Variants in UNC45B observed in about 807,000 individuals in gnomAD.
UNC45B encodes the protein protein unc-45 homolog B.
In UNC45B, 78 loss-of-function variants were observed where a neutral mutation model predicts 98.7. The ratio of observed to expected loss-of-function variants is 0.79; its 90% CI spans 0.66 to 0.95. The LOEUF (loss-of-function observed/expected upper bound fraction) is 0.95, where lower values mean the gene tolerates loss of function less well. UNC45B is among the 40% of genes least tolerant of loss of function. The pLI, the probability that UNC45B is intolerant of heterozygous loss-of-function variation, is 0.00. For missense variants in UNC45B, 1,225 were observed against 1,184.9 expected (o/e 1.03, Z -0.50); for synonymous variants, 462 against 480.4 (o/e 0.96, Z 0.50).
chr17:35,150,249 C>A (rs1339865476), intron 4 of UNC45B, 26 bp downstream of exon 4: 2 of 1,589,726 alleles, frequency 1.3e-6, no homozygotes, highest in South Asian at 2.3e-5. Flanking sequence ...TCCCACAACC[C>A]TTGGCTGCCC....
rs2092304691 is a variant in UNC45B, at chr17:35,186,431, G to A, written c.2662G>A (p.Glu888Lys). Residue 888 changes from glutamate (E) to lysine (K), a missense_variant, in exon 20 of 20, where the codon GAG becomes AAG. Coordinates refer to ENST00000394570, the MANE Select transcript of UNC45B (RefSeq NM_001267052.2). ...GCTGGCCAAGAAGCTGGTGGAGAGT[G>A]AGCTGCTGGAGATCCTGACTGTGGT... Reference protein sequence around the residue: ...AELAKKLVESELLEILTVVGK... With the variant: ...AELAKKLVESKLLEILTVVGK... 3 of 1,614,112 alleles carry A rather than the reference G, an allele frequency of 1.9e-6. No homozygotes were observed. The highest frequency in any genetic ancestry group is 1.7e-5 in the Admixed American group (1 of 60,008).
intron 9 of UNC45B, among the ~76,000 whole-genome samples, chr17:35,166,026 G>A (rs2092136616): frequency 7.2e-6 from 1 of 138,614 alleles, no homozygotes; most frequent in Non-Finnish European, 1.5e-5. Flanking sequence ...CGATGTGGGA[G>A]AATTGCCTGA....
chr17:35,177,102 A>G lies in UNC45B; in HGVS notation c.2111A>G (p.Asn704Ser), dbSNP rs2092239667. 2 of 1,614,056 alleles carry G rather than the reference A, an allele frequency of 1.2e-6. No homozygotes were observed. Among genetic ancestry groups the G allele is most frequent in the African/African-American group, 1.3e-5 (1 of 74,920 alleles). ...CTAGCAAAGATCGCTGCTGTCTCCA[A>G]TCCGGACATTGCTTTTCCTGGGGAG... ...HALAKIAAVS[N>S]PDIAFPGERV... Residue 704 changes from asparagine (N) to serine (S), a missense_variant, in exon 16 of 20, where the codon AAT (asparagine) becomes AGT (serine). Transcript: ENST00000394570.
chr17:35,171,240 AC>A, intron 12 of UNC45B, 81 bp from the exon 13 acceptor site: 2 of 1,556,036 alleles, frequency 1.3e-6, no homozygotes. Context: ...CCTGCCGGCC[AC>A]GTGAGGGAGC....
chr17:35,165,354 A>G (rs2092131395), intron 9 of UNC45B, among the ~76,000 whole-genome samples: 1 of 152,208 alleles, frequency 6.6e-6, no homozygotes, highest in Non-Finnish European at 1.5e-5. Flanking sequence ...GTGTGACTCC[A>G]GTGCATGACC....
chr17:35,160,110 G>C (rs1047189926), intron 8 of UNC45B, among the ~76,000 whole-genome samples: 31 of 152,198 alleles, frequency 2.0e-4, no homozygotes, highest in Admixed American at 1.2e-3. Context: ...ACAGCCTGGA[G>C]GGGAAAGAGG....
At chr17:35,170,345 T>C in intron 12 of UNC45B, 90 bp downstream of exon 12, 1 of 1,407,082 alleles carries the variant, frequency 7.1e-7, no homozygotes, top group Non-Finnish European at 9.4e-7. Flanking sequence ...GTCTTCCTCC[T>C]GGCTCTACTC....
chr17:35,157,295 G>A lies in UNC45B; in HGVS notation c.808+1831G>A, dbSNP rs375238999. 6.4e-4 allele frequency among the ~76,000 whole-genome samples: 97 copies of A among 151,786 alleles called. 2 individuals are homozygous for A. The highest frequency in any genetic ancestry group is 2.1e-3 in the African/African-American group (88 of 41,390). On this transcript the variant is annotated intron_variant, in intron 7 of 19. Coordinates refer to ENST00000394570, the MANE Select transcript of UNC45B (RefSeq NM_001267052.2). ...TGCTCTGTTGCCCAGGCTGGAGTGCGGTGGCACGATCTCAGCTCATTGCAA... is the reference window on the plus strand; with the variant it reads ...TGCTCTGTTGCCCAGGCTGGAGTGCAGTGGCACGATCTCAGCTCATTGCAA...
intron 12 of UNC45B, 123 bp downstream of exon 12, chr17:35,170,378 T>C (rs1012942296): frequency 1.7e-5 from 20 of 1,206,490 alleles, no homozygotes; most frequent in Admixed American, 3.2e-5. Flanking sequence ...TAAACATGAT[T>C]GGTTATTTCC....
rs2092318763 is a variant in UNC45B, at chr17:35,189,021, C to T, written c.*2462C>T. ...TTTATTGAGGTAGTTTGCCCAAAAA[C>T]AGCAAGGAACAGCCAATACCTGCCA... On this transcript the variant is annotated 3_prime_UTR_variant, in exon 20 of 20. Transcript: ENST00000394570. 6.6e-6 allele frequency: 1 copy of T among 152,046 alleles called. No individual in the cohort carries two copies. Among genetic ancestry groups the T allele is most frequent in the African/African-American group, 2.4e-5 (1 of 41,376 alleles). The allele number at this position is 152,046 out of a possible 1,614,324, so 9.4% of individuals were successfully genotyped here. A position where few individuals can be genotyped will look rare whatever the true frequency, so the allele number is the denominator to read the frequency against.
chr17:35,175,957 C>T lies in UNC45B; in HGVS notation c.1959-11C>T, dbSNP rs373252003. ...TGTATTAACTGTTCTCCTTTCTTCT[C>T]GGTCCCACAGGGTATTCCTGGCACT... On this transcript the variant is annotated splice_polypyrimidine_tract_variant and intron_variant, in intron 14 of 19. Transcript: ENST00000394570. The T allele has an allele frequency of 5.5e-5, 88 of 1,613,190 alleles. No individual in the cohort carries two copies. The highest frequency in any genetic ancestry group is 2.3e-4 in the African/African-American group (17 of 74,910).
In UNC45B at chr17:35,187,882, A is replaced by G. The variant is rs951664812; in HGVS notation, c.*1323A>G. ...TTCTACCTACGTTTATTGAAGGGTC[A>G]ACAGTTCTGATCTCAGCATTGGGTA... On this transcript the variant is annotated 3_prime_UTR_variant, in exon 20 of 20. Transcript: ENST00000394570. 2 of 152,250 alleles carry G rather than the reference A, an allele frequency of 1.3e-5. No homozygotes were observed. The highest frequency in any genetic ancestry group is 6.5e-5 in the Admixed American group (1 of 15,282). 9.4% of individuals were successfully genotyped at this position (152,250 alleles called of 1,614,324 possible).
At chr17:35,149,965 A>G in intron 3 of UNC45B, 83 bp from the exon 4 acceptor site, 2 of 1,387,000 alleles carry the variant, frequency 1.4e-6, no homozygotes, top group Non-Finnish European at 1.9e-6. Context: ...AAGCAAGAGC[A>G]TGCTTCCTGG....
chr17:35,154,247 C>G (rs751569880), intron 5 of UNC45B, among the ~76,000 whole-genome samples: 1 of 152,178 alleles, frequency 6.6e-6, no homozygotes, highest in Non-Finnish European at 1.5e-5. Flanking sequence ...TTATATACAT[C>G]TTTATTTTAA....
At chr17:35,154,863 C>G (rs1347772231) in intron 6 of UNC45B, 122 bp downstream of exon 6, 1 of 1,120,500 alleles carries the variant, frequency 8.9e-7, no homozygotes, top group Non-Finnish European at 1.2e-6. Flanking sequence ...AAAGGGTGCT[C>G]CAGTCTCTTT....
At chr17:35,178,125 C>T (rs1446487650) in intron 17 of UNC45B, among the ~76,000 whole-genome samples, 1 of 152,164 alleles carries the variant, frequency 6.6e-6, no homozygotes, top group Non-Finnish European at 1.5e-5. Context: ...GTCTCAAACT[C>T]GTGACCTCAG....
At chr17:35,154,817 G>C in intron 6 of UNC45B, 76 bp downstream of exon 6, 1 of 1,433,198 alleles carries the variant, frequency 7.0e-7, no homozygotes, top group African/African-American at 1.4e-5. Flanking sequence ...TGTGGTCAGG[G>C]CTGTGGCTGG....
rs746773816 is a variant in UNC45B at position 35,174,355 on chromosome 17, G to C, written c.1944G>C (p.Lys648Asn). ...GTGCCATCCTCACTGACCAGACCAA[G>C]GAGCTGCTGGCCAGGTGGGGCTGCA... ...ADSAILTDQT[K>N]ELLARVFLAL... The change falls in exon 14 of 20, where the codon AAG (lysine) becomes AAC (asparagine). Residue 648 changes from lysine to asparagine, a missense_variant. By Grantham distance (94) the Lys-to-Asn change is moderately conservative. Coordinates refer to ENST00000394570, the MANE Select transcript of UNC45B (RefSeq NM_001267052.2). The C allele has an allele frequency of 3.7e-6, 6 of 1,614,060 alleles. No homozygotes were observed. Among genetic ancestry groups the C allele is most frequent in the Non-Finnish European group, 5.1e-6 (6 of 1,180,010 alleles).
At chr17:35,184,614 G>A (rs570023279) in intron 19 of UNC45B, among the ~76,000 whole-genome samples, 9 of 152,304 alleles carry the variant, frequency 5.9e-5, no homozygotes, top group East Asian at 1.9e-4. Flanking sequence ...CCCAACCACC[G>A]TGTGAGGTGG....
Sources: allele counts gnomAD v4.1 joint callset (sites outside exome capture counted in the v4.1 genomes callset), GRCh38; gene constraint gnomAD v4.1.1; transcripts MANE v1.5; gene names NCBI Gene and HGNC (gene_info 2026-07-23, HGNC 2026-07-21).